JPT1: variants seen among roughly 807,000 people sequenced by gnomAD.
JPT1 encodes the protein androgen-regulated protein 2.
A neutral mutation model predicts 17.0 loss-of-function variants in JPT1; 5 were observed. That is an observed-to-expected ratio of 0.29 (90% confidence interval 0.15 to 0.62). The LOEUF (loss-of-function observed/expected upper bound fraction) is 0.62. Ranked by LOEUF, JPT1 falls within the 20% of genes least tolerant of loss-of-function variation. The pLI is 0.85. For synonymous variants in JPT1, 71 were observed against 73.6 expected (o/e 0.96, Z 0.18); for missense variants, 158 against 188.1 (o/e 0.84, Z 0.94).
chr17:75,142,467 G>C (rs1162048916), intron 4 of JPT1, among the ~76,000 whole-genome samples: 1 of 150,704 alleles, frequency 6.6e-6, no homozygotes, highest in Non-Finnish European at 1.5e-5. Context: ...GGCTGAGGCA[G>C]GAGAATCACT....
Position 75,136,189 on chromosome 17 carries a change from A to C in JPT1, c.378T>G (p.Ala126=). The part of the protein sequence containing the change: ...LGQSEEKPVP[A]APVPSPVAPA... ...GGGCCACCGGGCTGGGCACAGGCGC[A>C]GCAGGCACGGGCTTCTCTTCACTCT... is the stretch of plus-strand genomic sequence containing the variant. The change falls in exon 5 of 5, where the codon GCT becomes GCG. Residue 126 remains alanine, a synonymous_variant. Transcript: ENST00000409753. The C allele has an allele frequency of 6.2e-7, 1 of 1,613,960 alleles. No individual in the cohort carries two copies. The highest frequency in any genetic ancestry group is 8.5e-7 in the Non-Finnish European group (1 of 1,179,914).
chr17:75,136,719 T>C (rs2074205582), intron 4 of JPT1, among the ~76,000 whole-genome samples: 2 of 152,194 alleles, frequency 1.3e-5, no homozygotes, highest in South Asian at 4.1e-4. Context: ...CTTGAATTCA[T>C]GACCTTGTGA....
intron 4 of JPT1, chr17:75,145,245 C>G (rs917507427): frequency 5.3e-5 from 8 of 151,180 alleles, no homozygotes; most frequent in African/African-American, 1.9e-4. Flanking sequence ...CTTCTTCAAC[C>G]TTTCCGTGTG....
At chr17:75,142,901 CAA>C in intron 4 of JPT1, 1 of 328,298 alleles carries the variant, frequency 3.0e-6, no homozygotes, top group Non-Finnish European at 6.2e-6. Flanking sequence ...CACACACACA[CAA>C]AATCTGTTTT....
chr17:75,146,533 A>T (rs1016137147), intron 4 of JPT1, 133 bp downstream of exon 4: 11 of 633,202 alleles, frequency 1.7e-5, no homozygotes, highest in Non-Finnish European at 3.1e-5. Context: ...GGCAGATTAG[A>T]GTATGGCGGC....
intron 4 of JPT1, among the ~76,000 whole-genome samples, chr17:75,143,377 T>A (rs1481111140): frequency 1.6e-5 from 2 of 125,986 alleles, no homozygotes; most frequent in Non-Finnish European, 3.8e-5. Flanking sequence ...CCGGCCAACA[T>A]GGTGAAACCT....
At chr17:75,148,387 T>C in intron 2 of JPT1, 142 bp downstream of exon 2, 1 of 965,020 alleles carries the variant, frequency 1.0e-6, no homozygotes. Flanking sequence ...AGGGACTAAA[T>C]GCACACTGCC....
intron 4 of JPT1, 29 bp downstream of exon 4, chr17:75,146,636 GC>G: frequency 6.6e-7 from 1 of 1,515,020 alleles, no homozygotes; most frequent in Non-Finnish European, 9.0e-7. Flanking sequence ...CATGGACAGA[GC>G]CAGAAATTTG....
Position 75,154,229 on chromosome 17 carries a change from C to A in JPT1, c.56+113G>T, listed in dbSNP as rs575774956. 700 of 746,808 alleles carry A rather than the reference C, an allele frequency of 9.4e-4. 5 individuals carry two copies. The African/African-American group carries it at 0.012, about 13-fold the overall frequency. 46.3% of individuals were successfully genotyped at this position (746,808 alleles called of 1,614,324 possible). On this transcript the variant is annotated intron_variant, in intron 1 of 4. Coordinates refer to ENST00000409753, the MANE Select transcript of JPT1 (RefSeq NM_016185.4). ...CAGAACCCCGCCACCCGCCCCGGCG[C>A]GAGCACAGCGCACGGGGCTCGTTAC...
chr17:75,136,313 A>G, intron 4 of JPT1, 63 bp from the exon 5 acceptor site: 1 of 1,462,980 alleles, frequency 6.8e-7, no homozygotes. Flanking sequence ...AAGATCAAGG[A>G]TCTGTTTCTC....
At chr17:75,136,554 C>CA (rs1283834644) in intron 4 of JPT1, among the ~76,000 whole-genome samples, 1 of 152,050 alleles carries the variant, frequency 6.6e-6, no homozygotes, top group Non-Finnish European at 1.5e-5. Context: ...TGCAATGGTG[C>CA]AGTCTTGGCT....
chr17:75,141,726 C>T (rs573974761), intron 4 of JPT1, among the ~76,000 whole-genome samples: 6 of 149,244 alleles, frequency 4.0e-5, no homozygotes, highest in East Asian at 2.0e-4. Flanking sequence ...TAGGAGTTTG[C>T]GACCAGCCTG....
intron 4 of JPT1, among the ~76,000 whole-genome samples, chr17:75,137,940 C>A (rs2074238504): frequency 6.6e-6 from 1 of 150,938 alleles, no homozygotes; most frequent in Non-Finnish European, 1.5e-5. Flanking sequence ...TAAGCCACTG[C>A]ACCCGGCCTA....
intron 4 of JPT1, among the ~76,000 whole-genome samples, chr17:75,137,459 C>T (rs940245730): frequency 6.6e-6 from 1 of 151,670 alleles, no homozygotes; most frequent in Non-Finnish European, 1.5e-5. Context: ...TGGGCTCAAG[C>T]AATCCTCCTA....
At chr17:75,149,261 C>T (rs370821053) in intron 1 of JPT1, 3 of 336,562 alleles carry the variant, frequency 8.9e-6, no homozygotes, top group Non-Finnish European at 1.8e-5. Context: ...GACTCTGAGA[C>T]AGAAGGATCG....
chr17:75,152,562 G>A (rs767127478), intron 1 of JPT1, among the ~76,000 whole-genome samples: 2 of 152,170 alleles, frequency 1.3e-5, no homozygotes, highest in Non-Finnish European at 2.9e-5. Context: ...CATTTCACAG[G>A]ATCAGAACTC....
intron 1 of JPT1, among the ~76,000 whole-genome samples, chr17:75,151,659 C>A (rs1031322812): frequency 5.3e-5 from 8 of 150,420 alleles, no homozygotes; most frequent in Non-Finnish European, 1.2e-4. Context: ...GAGACTGTCT[C>A]AAAAAAATAA....
intron 4 of JPT1, chr17:75,138,466 T>C (rs2074249826): frequency 6.7e-6 from 1 of 150,218 alleles, no homozygotes; most frequent in South Asian, 2.1e-4. Context: ...TGGAGTAAAG[T>C]AGCGTGATCC....
chr17:75,144,691 G>A (rs1332292046), intron 4 of JPT1, among the ~76,000 whole-genome samples: 1 of 152,104 alleles, frequency 6.6e-6, no homozygotes, highest in Non-Finnish European at 1.5e-5. Flanking sequence ...ACAACTGGTG[G>A]GAAGGAAGGG....
Sources: allele counts gnomAD v4.1 joint callset (sites outside exome capture counted in the v4.1 genomes callset), GRCh38; gene constraint gnomAD v4.1.1; transcripts MANE v1.5; gene names NCBI Gene and HGNC (gene_info 2026-07-23, HGNC 2026-07-21).